Variants in PRKG1 observed in about 807,000 individuals in gnomAD.
PRKG1 encodes protein kinase cGMP-dependent 1.
Under a neutral mutation model 88.1 loss-of-function variants are expected in PRKG1, and 35 were observed. The observed-to-expected ratio is 0.40, with a 90% CI of 0.30 to 0.53. The LOEUF (loss-of-function observed/expected upper bound fraction) is 0.53, where lower values mean the gene tolerates loss of function less well. Ranked by LOEUF, PRKG1 falls within the 20% of genes least tolerant of loss-of-function variation. PRKG1 has a pLI of 0.59. For synonymous variants in PRKG1, 303 were observed against 292.5 expected, an observed-to-expected ratio of 1.04 and a Z score of -0.37; for missense variants, 540 against 839.8, an observed-to-expected ratio of 0.64 and a Z score of 4.41.
chr10:51,397,142 TTG>T (rs1332296466), intron 2 of PRKG1, among the ~76,000 whole-genome samples: 15 of 151,494 alleles, frequency 9.9e-5, no homozygotes, highest in African/African-American at 3.6e-4. Flanking sequence ...TTTTTTTTTT[TTG>T]GTGCCCTCTA....
At chr10:51,090,153 C>G (rs1427951080) in intron 1 of PRKG1, among the ~76,000 whole-genome samples, 1 of 152,154 alleles carries the variant, frequency 6.6e-6, no homozygotes, top group Non-Finnish European at 1.5e-5. Flanking sequence ...TTGAGAATCC[C>G]CAGCCCAGTG....
chr10:51,375,543 C>T (rs953672511), intron 2 of PRKG1, among the ~76,000 whole-genome samples: 2 of 151,846 alleles, frequency 1.3e-5, no homozygotes, highest in Non-Finnish European at 2.9e-5. Flanking sequence ...CATGTCAGCA[C>T]TCAAAAAGTT....
rs142895386 is a variant in PRKG1 at position 51,522,976 on chromosome 10, T to C, written c.592+55140T>C. On this transcript the variant is annotated intron_variant, in intron 3 of 17. Transcript: ENST00000373980. ...CTTATTTAAGTGATCCTATCCTTTA[T>C]TGATACATTTGAATATTCAAAACAA... Among the ~76,000 whole-genome samples, 1,446 of 152,342 alleles carry C rather than the reference T, an allele frequency of 9.5e-3. 12 individuals are homozygous for C. Among genetic ancestry groups the C allele is most frequent in the Non-Finnish European group, 0.015 (1,000 of 68,028 alleles).
At position 51,263,654 on chromosome 10, in the gene PRKG1, C is replaced by T. The variant is rs577823484; in HGVS notation, c.478+110324C>T. 5.9e-5 allele frequency among the ~76,000 whole-genome samples: 9 copies of T among 152,270 alleles called. No individual in the cohort carries two copies. The South Asian group carries it at 1.7e-3, about 28-fold the overall frequency. On this transcript the variant is annotated intron_variant, in intron 2 of 17. Transcript: ENST00000373980. The stretch of plus-strand genomic sequence containing the variant: ...TTGTTCTTATCCGAAAGTTACTGTG[C>T]ATGTAACGTATATGATAAAGTAGAT...
rs1839711863 is a variant in PRKG1 at position 51,638,397 on chromosome 10, G to A, written c.593-166188G>A. ...GTGTGTAGCTTGGTGGTGAGCAGAT[G>A]AGCAGAAACGTAACTTAGCTGCTCT... On this transcript the variant is annotated intron_variant, in intron 3 of 17. Coordinates refer to ENST00000373980, the MANE Select transcript of PRKG1 (RefSeq NM_006258.4). Among the ~76,000 whole-genome samples, 3 of 152,126 alleles carry A rather than the reference G, an allele frequency of 2.0e-5. No individual in the cohort carries two copies. The South Asian group carries it at 6.2e-4, about 32-fold the overall frequency.
chr10:51,918,217 A>G (rs1842386028), intron 5 of PRKG1, among the ~76,000 whole-genome samples: 1 of 152,218 alleles, frequency 6.6e-6, no homozygotes, highest in Non-Finnish European at 1.5e-5. Flanking sequence ...ACCTTTCAGT[A>G]CTATACTGCA....
At chr10:52,167,272 C>T (rs1289280448) in intron 9 of PRKG1, among the ~76,000 whole-genome samples, 1 of 152,032 alleles carries the variant, frequency 6.6e-6, no homozygotes, top group African/African-American at 2.4e-5. Flanking sequence ...TCTTAAACCA[C>T]CAGCTCTCAC....
chr10:51,018,470 G>T (rs1009825873), intron 1 of PRKG1, among the ~76,000 whole-genome samples: 7 of 152,136 alleles, frequency 4.6e-5, no homozygotes, highest in Non-Finnish European at 8.8e-5. Context: ...GTGGAGTCAG[G>T]ATTAAAATTC....
chr10:51,707,667 A>G (rs1841644380), intron 3 of PRKG1, among the ~76,000 whole-genome samples: 3 of 152,134 alleles, frequency 2.0e-5, no homozygotes, highest in South Asian at 2.1e-4. Flanking sequence ...CACTTCAGAA[A>G]TTTGGCTAGT....
chr10:51,909,743 T>C (rs1842174331), intron 5 of PRKG1: 1 of 151,758 alleles, frequency 6.6e-6, no homozygotes, highest in African/African-American at 2.4e-5. Flanking sequence ...ATCAGGAGCT[T>C]TTTGCTTGTT....
chr10:52,198,449 C>T (rs182528763), intron 9 of PRKG1, among the ~76,000 whole-genome samples: 1 of 152,060 alleles, frequency 6.6e-6, no homozygotes, highest in African/African-American at 2.4e-5. Context: ...TTTGTAATGG[C>T]CGAGAATGAC....
At chr10:51,074,435 G>A, upstream of PRKG1, 1 of 1,450,402 alleles carries the variant, frequency 6.9e-7, no homozygotes, top group South Asian at 1.5e-5. Flanking sequence ...CCGGCGGACT[G>A]GGCATGCTCA....
At chr10:51,889,996 C>T (rs1453769089) in intron 4 of PRKG1, among the ~76,000 whole-genome samples, 2 of 152,092 alleles carry the variant, frequency 1.3e-5, no homozygotes, top group African/African-American at 2.4e-5. Context: ...AATTTTCTCC[C>T]ATTCTTTAGG....
chr10:51,208,273 G>A (rs962628174), intron 2 of PRKG1, among the ~76,000 whole-genome samples: 1 of 152,160 alleles, frequency 6.6e-6, no homozygotes, highest in Non-Finnish European at 1.5e-5. Context: ...CAAAATGTTA[G>A]CACAAAATGT....
intron 5 of PRKG1, among the ~76,000 whole-genome samples, chr10:51,915,700 A>G (rs1213996481): frequency 1.3e-5 from 2 of 152,182 alleles, no homozygotes; most frequent in Admixed American, 1.3e-4. Flanking sequence ...TTTGCTAATT[A>G]TAGGTGTTAT....
intron 7 of PRKG1, among the ~76,000 whole-genome samples, chr10:52,126,261 A>G (rs1290420807): frequency 1.3e-5 from 2 of 152,124 alleles, no homozygotes; most frequent in Non-Finnish European, 2.9e-5. Context: ...TCAGGCATAC[A>G]AAATATATTA....
At chr10:51,230,177 A>G (rs1334454691) in intron 2 of PRKG1, among the ~76,000 whole-genome samples, 2 of 152,146 alleles carry the variant, frequency 1.3e-5, no homozygotes, top group African/African-American at 2.4e-5. Flanking sequence ...ATAAAAATGA[A>G]TTAGTTGTGG....
intron 1 of PRKG1, among the ~76,000 whole-genome samples, chr10:51,086,443 A>C (rs1024604165): frequency 1.3e-5 from 2 of 152,210 alleles, no homozygotes; most frequent in Non-Finnish European, 2.9e-5. Flanking sequence ...TTCCAGAAAT[A>C]GAGAATTTAG....
In PRKG1 at chr10:51,479,782, G is replaced by C. The variant is rs1038975075; in HGVS notation, c.592+11946G>C. ...ATTGGAATAGCAAGTAGTGATGAGA[G>C]AATTGGTGTCTTTCTAAAGATATGT... On this transcript the variant is annotated intron_variant, in intron 3 of 17. Transcript: ENST00000373980. Among the ~76,000 whole-genome samples the C allele has an allele frequency of 2.1e-5, 3 of 143,280 alleles. No homozygotes were observed. In the South Asian group the frequency reaches 7.7e-4, roughly 37 times the overall value. The allele number at this position is 143,280 out of a possible 152,430, so 94.0% of individuals were successfully genotyped here.
Sources: allele counts gnomAD v4.1 joint callset (sites outside exome capture counted in the v4.1 genomes callset), GRCh38; gene constraint gnomAD v4.1.1; transcripts MANE v1.5; gene names NCBI Gene and HGNC (gene_info 2026-07-23, HGNC 2026-07-21).